Variants in PDE1A observed in about 807,000 individuals in gnomAD.
The protein encoded by PDE1A is dual specificity calcium/calmodulin-dependent 3',5'-cyclic nucleotide phosphodiesterase 1A.
Under a neutral mutation model 61.7 loss-of-function variants are expected in PDE1A, and 35 were observed. That is an observed-to-expected ratio of 0.57 (90% confidence interval 0.43 to 0.75). The LOEUF (loss-of-function observed/expected upper bound fraction) is 0.75. PDE1A is among the 30% of genes least tolerant of loss of function. The pLI, the probability that PDE1A is intolerant of heterozygous loss-of-function variation, is 0.00. For missense variants in PDE1A, 597 were observed against 630.6 expected, an observed-to-expected ratio of 0.95 and a Z score of 0.57; for synonymous variants, 232 against 213.2, an observed-to-expected ratio of 1.09 and a Z score of -0.77.
chr2:182,252,956 T>G (rs921669487), intron 2 of PDE1A, among the ~76,000 whole-genome samples: 2 of 152,220 alleles, frequency 1.3e-5, no homozygotes, highest in African/African-American at 2.4e-5. Context: ...CATCTTTGTA[T>G]GTAGAAAAAT....
chr2:182,264,881 ATATATATATATG>A (rs1156759274), intron 1 of PDE1A, among the ~76,000 whole-genome samples: 5 of 134,184 alleles, frequency 3.7e-5, no homozygotes, highest in African/African-American at 1.2e-4. Flanking sequence ...ATATATACAT[ATATATATATATG>A]TATATATATA....
At chr2:182,533,343 T>C in the PDE1A span, among the ~76,000 whole-genome samples, 529 of 152,312 alleles carry the variant, frequency 3.5e-3, 2 homozygotes, top group Middle Eastern at 0.014. Context: ...ATTACATTTT[T>C]TCCAATGGAT....
chr2:182,260,328 T>C (rs1244359577), intron 2 of PDE1A, among the ~76,000 whole-genome samples: 1 of 152,230 alleles, frequency 6.6e-6, no homozygotes, highest in Non-Finnish European at 1.5e-5. Context: ...TTTTTAAAGT[T>C]TAAAAGCAAC....
At chr2:182,381,627 C>A (rs1420420694) in intron 1 of PDE1A, among the ~76,000 whole-genome samples, 1 of 152,080 alleles carries the variant, frequency 6.6e-6, no homozygotes, top group Non-Finnish European at 1.5e-5. Flanking sequence ...GCCTGGCCAA[C>A]AGGGTGAAAC....
intron 2 of PDE1A, among the ~76,000 whole-genome samples, chr2:182,433,675 T>C (rs996603004): frequency 1.3e-5 from 2 of 152,084 alleles, no homozygotes; most frequent in Admixed American, 6.6e-5. Flanking sequence ...TCACTATATA[T>C]GATGAAACTT....
the PDE1A span, among the ~76,000 whole-genome samples, chr2:182,714,660 G>A: frequency 6.6e-6 from 1 of 151,986 alleles, no homozygotes; most frequent in Non-Finnish European, 1.5e-5. Context: ...TGTCTCCCGG[G>A]TTCAAGCGAT....
chr2:182,526,443 C>G (rs1690774544), upstream of PDE1A, among the ~76,000 whole-genome samples: 1 of 152,034 alleles, frequency 6.6e-6, no homozygotes, highest in African/African-American at 2.4e-5. Flanking sequence ...AGACTTGAAA[C>G]CAAGGTCCTC....
At chr2:182,608,858 C>G in the PDE1A span, among the ~76,000 whole-genome samples, 1 of 152,216 alleles carries the variant, frequency 6.6e-6, no homozygotes, top group African/African-American at 2.4e-5. Flanking sequence ...CAGCTGGGCT[C>G]CTGAGTCTGG....
At chr2:182,174,733 ATTTATTTTAT>A (rs79890830) in intron 13 of PDE1A, among the ~76,000 whole-genome samples, 1 of 151,304 alleles carries the variant, frequency 6.6e-6, no homozygotes, top group African/African-American at 2.4e-5. Flanking sequence ...TTTGTTTTTT[ATTTATTTTAT>A]TTTATTTTAT....
At chr2:182,623,943 G>A in the PDE1A span, among the ~76,000 whole-genome samples, 1 of 151,946 alleles carries the variant, frequency 6.6e-6, no homozygotes, top group Non-Finnish European at 1.5e-5. Flanking sequence ...GGCTAACACC[G>A]TGAAACCCCA....
At chr2:182,467,109 T>A (rs138347724) in intron 2 of PDE1A, among the ~76,000 whole-genome samples, 1,532 of 121,638 alleles carry the variant, frequency 0.013, 21 homozygotes, top group African/African-American at 0.044. Flanking sequence ...TGGAAAGAAA[T>A]AACGAAGAAA....
rs539322226 is a variant in PDE1A at position 182,391,834 on chromosome 2, A to G, written c.53+34744T>C. Among the ~76,000 whole-genome samples, 7 of 152,328 alleles carry G rather than the reference A, an allele frequency of 4.6e-5. No homozygotes were observed. In the South Asian group the frequency reaches 1.0e-3, roughly 23 times the overall value. ...TAATCACAGTATTCCTGGAAGTGAAATTGATCGGAGGCCTGCTGTATTCTT... is the reference window on the plus strand; with the variant it reads ...TAATCACAGTATTCCTGGAAGTGAAGTTGATCGGAGGCCTGCTGTATTCTT... On this transcript the variant is annotated intron_variant, in intron 1 of 13. Transcript: ENST00000351439.
chr2:182,502,336 G>T (rs1553633763), intron 2 of PDE1A, among the ~76,000 whole-genome samples: 1 of 138,594 alleles, frequency 7.2e-6, no homozygotes, highest in South Asian at 2.4e-4. Flanking sequence ...GTGTGTGTTT[G>T]TGTGTGTGTC....
At chr2:182,465,372 A>G (rs2125783349) in intron 2 of PDE1A, among the ~76,000 whole-genome samples, 1 of 152,150 alleles carries the variant, frequency 6.6e-6, no homozygotes, top group African/African-American at 2.4e-5. Flanking sequence ...GCTTACTTTG[A>G]TTCAAAAAAC....
At chr2:182,624,312 T>C in the PDE1A span, among the ~76,000 whole-genome samples, 1 of 152,180 alleles carries the variant, frequency 6.6e-6, no homozygotes, top group South Asian at 2.1e-4. Flanking sequence ...CCTCTACTCC[T>C]GGCTGCAGCT....
chr2:182,217,995 A>G (rs1435056083), intron 7 of PDE1A, among the ~76,000 whole-genome samples: 5 of 150,338 alleles, frequency 3.3e-5, no homozygotes, highest in Admixed American at 2.0e-4. Flanking sequence ...CACTATTCAC[A>G]ATAGCAAAGA....
intron 1 of PDE1A, among the ~76,000 whole-genome samples, chr2:182,308,761 C>G (rs911825064): frequency 1.3e-5 from 2 of 151,930 alleles, no homozygotes; most frequent in Admixed American, 1.3e-4. Context: ...AATCCAAATA[C>G]TTTTTTATAT....
the PDE1A span, among the ~76,000 whole-genome samples, chr2:182,716,699 C>T: frequency 6.6e-6 from 1 of 152,202 alleles, no homozygotes; most frequent in Non-Finnish European, 1.5e-5. Flanking sequence ...ACACTTTCTC[C>T]CTAAGTCCGA....
At chr2:182,443,652 A>T (rs1363019580) in intron 2 of PDE1A, among the ~76,000 whole-genome samples, 2 of 150,482 alleles carry the variant, frequency 1.3e-5, no homozygotes, top group African/African-American at 4.9e-5. Flanking sequence ...CTTCCTCTAC[A>T]GCCTGTGCAA....
Sources: gnomAD v4.1 joint callset for allele counts (sites outside exome capture counted in the v4.1 genomes callset) on GRCh38, gnomAD v4.1.1 for gene constraint, MANE v1.5 for transcripts, NCBI Gene and HGNC (gene_info 2026-07-23, HGNC 2026-07-21) for gene names.